Variants in MNAT1 observed in about 807,000 individuals in gnomAD.
MNAT1 encodes MNAT1 component of CDK activating kinase.
A neutral mutation model predicts 42.0 loss-of-function variants in MNAT1; 43 were observed. The observed-to-expected ratio is 1.02, with a 90% CI of 0.80 to 1.32. MNAT1 has a LOEUF of 1.32. Ranked by LOEUF, MNAT1 falls within the 40% of genes most tolerant of loss-of-function variation. The pLI is 0.00. For missense variants in MNAT1, 306 were observed against 350.4 expected (o/e 0.87, Z 1.01); for synonymous variants, 118 against 120.0 (o/e 0.98, Z 0.11).
intron 7 of MNAT1, among the ~76,000 whole-genome samples, chr14:60,882,313 A>G (rs775908577): frequency 7.2e-5 from 11 of 152,052 alleles, no homozygotes; most frequent in Non-Finnish European, 1.2e-4. Flanking sequence ...GCTTCCACAA[A>G]TAAGTGGGAA....
chr14:60,847,884 A>C (rs1483682162), intron 6 of MNAT1, among the ~76,000 whole-genome samples: 2 of 152,066 alleles, frequency 1.3e-5, no homozygotes, highest in Non-Finnish European at 2.9e-5. Context: ...TGTCATATGT[A>C]TTATATTTTA....
chr14:60,833,461 T>C (rs1438887058), intron 6 of MNAT1, among the ~76,000 whole-genome samples: 1 of 152,208 alleles, frequency 6.6e-6, no homozygotes, highest in Non-Finnish European at 1.5e-5. Context: ...ATTGGTTCTG[T>C]TTATGTGATT....
At chr14:60,828,844 T>A (rs150098890) in intron 6 of MNAT1, among the ~76,000 whole-genome samples, 4 of 152,294 alleles carry the variant, frequency 2.6e-5, no homozygotes, top group Admixed American at 2.0e-4. Flanking sequence ...GTCTACTGAT[T>A]TATTATAAAG....
At chr14:60,879,671 AAATAAT>A (rs1180154544) in intron 6 of MNAT1, 37 bp from the exon 7 acceptor site, 5 of 1,545,272 alleles carry the variant, frequency 3.2e-6, no homozygotes, top group Admixed American at 1.9e-5. Context: ...AGCAATATGA[AAATAAT>A]AATAAGAGGT....
intron 7 of MNAT1, among the ~76,000 whole-genome samples, chr14:60,962,219 A>G (rs976389886): frequency 4.6e-5 from 7 of 152,236 alleles, no homozygotes; most frequent in Non-Finnish European, 8.8e-5. Flanking sequence ...TATAATGGCA[A>G]TACTGAAATT....
intron 1 of MNAT1, among the ~76,000 whole-genome samples, chr14:60,739,878 G>A (rs1026184645): frequency 1.3e-5 from 2 of 152,156 alleles, no homozygotes; most frequent in African/African-American, 4.8e-5. Context: ...TTCTGTCTGG[G>A]TGCAGTGGCT....
At chr14:60,948,984 A>G (rs759475742) in intron 7 of MNAT1, among the ~76,000 whole-genome samples, 4 of 152,038 alleles carry the variant, frequency 2.6e-5, no homozygotes, top group Non-Finnish European at 5.9e-5. Flanking sequence ...TCTTACTATA[A>G]TCTCCTTACC....
At chr14:60,801,548 A>T (rs1046975088) in intron 3 of MNAT1, among the ~76,000 whole-genome samples, 3 of 152,248 alleles carry the variant, frequency 2.0e-5, no homozygotes, top group East Asian at 1.9e-4. Context: ...GACATTTCTC[A>T]AAAGAAGACA....
At chr14:60,747,118 T>TG (rs1327181651) in intron 1 of MNAT1, among the ~76,000 whole-genome samples, 51 of 150,276 alleles carry the variant, frequency 3.4e-4, no homozygotes, top group Non-Finnish European at 3.1e-4. Flanking sequence ...CCTGAGTAGC[T>TG]GGACTACAGG....
chr14:60,940,199 G>A (rs1017694603), intron 7 of MNAT1, among the ~76,000 whole-genome samples: 1 of 152,100 alleles, frequency 6.6e-6, no homozygotes, highest in Non-Finnish European at 1.5e-5. Context: ...TTGCCAGTCT[G>A]TGTCTTTTAA....
chr14:60,964,070 A>G (rs2036641990), intron 7 of MNAT1, among the ~76,000 whole-genome samples: 1 of 152,188 alleles, frequency 6.6e-6, no homozygotes, highest in Admixed American at 6.5e-5. Flanking sequence ...GAAATAGGAA[A>G]AGAGTAATCT....
chr14:60,746,898 A>ATG (rs1896633598), intron 1 of MNAT1, among the ~76,000 whole-genome samples: 1 of 9,768 alleles, frequency 1.0e-4, no homozygotes, highest in African/African-American at 8.2e-4. Flanking sequence ...GATTCATTTC[A>ATG]TATATATATA....
chr14:60,766,688 G>T (rs2030837960), intron 1 of MNAT1, among the ~76,000 whole-genome samples: 2 of 152,162 alleles, frequency 1.3e-5, no homozygotes, highest in Non-Finnish European at 2.9e-5. Context: ...CCAGCCTGGC[G>T]ACAGAGCAAG....
At chr14:60,894,202 T>G (rs764605444) in intron 7 of MNAT1, among the ~76,000 whole-genome samples, 24 of 152,122 alleles carry the variant, frequency 1.6e-4, no homozygotes, top group Non-Finnish European at 2.5e-4. Flanking sequence ...GGACTAGGAA[T>G]GCGGGCAGTA....
At chr14:60,749,629 T>A (rs528467497) in intron 1 of MNAT1, among the ~76,000 whole-genome samples, 1 of 152,302 alleles carries the variant, frequency 6.6e-6, no homozygotes, top group African/African-American at 2.4e-5. Context: ...CGAGTAAATT[T>A]AAGAATTCAA....
intron 7 of MNAT1, among the ~76,000 whole-genome samples, chr14:60,965,653 T>G (rs1295576118): frequency 6.6e-6 from 1 of 152,250 alleles, no homozygotes; most frequent in Admixed American, 6.5e-5. Flanking sequence ...ATTACAGCTA[T>G]GAAAACCAAT....
intron 7 of MNAT1, among the ~76,000 whole-genome samples, chr14:60,905,261 T>G (rs2035171112): frequency 6.6e-6 from 1 of 152,070 alleles, no homozygotes; most frequent in Non-Finnish European, 1.5e-5. Context: ...AAGATGCTGT[T>G]AGATGTTTCT....
intron 3 of MNAT1, among the ~76,000 whole-genome samples, chr14:60,799,890 G>A (rs1249245511): frequency 6.6e-6 from 1 of 152,058 alleles, no homozygotes; most frequent in Non-Finnish European, 1.5e-5. Context: ...TATAGAAGCT[G>A]TGGCTCAGAC....
At chr14:60,759,237 C>CCTTAG (rs1178179844) in intron 1 of MNAT1, among the ~76,000 whole-genome samples, 3 of 152,090 alleles carry the variant, frequency 2.0e-5, no homozygotes, top group African/African-American at 7.2e-5. Flanking sequence ...AATCCAAATT[C>CCTTAG]CTTAGCTTAT....
Sources: allele counts gnomAD v4.1 joint callset (sites outside exome capture counted in the v4.1 genomes callset), GRCh38; gene constraint gnomAD v4.1.1; transcripts MANE v1.5; gene names NCBI Gene and HGNC (gene_info 2026-07-23, HGNC 2026-07-21).